PSME4: variants seen among roughly 807,000 people sequenced by gnomAD.
PSME4 encodes the protein proteasome activator complex subunit 4.
A neutral mutation model predicts 253.9 loss-of-function variants in PSME4; 89 were observed. The ratio of observed to expected loss-of-function variants is 0.35; its 90% CI spans 0.30 to 0.42. PSME4 has a LOEUF of 0.42. Among genes scored for constraint, PSME4 ranks in the 10% least tolerant of loss-of-function variants. The probability of loss-of-function intolerance (pLI) is 1.00; values close to 1 mark genes in which losing one functional copy is unlikely to be tolerated. For synonymous variants in PSME4, 851 were observed against 759.2 expected, an observed-to-expected ratio of 1.12 and a Z score of -1.99; for missense variants, 2,014 against 2,195.2, an observed-to-expected ratio of 0.92 and a Z score of 1.65.
At chr2:53,903,000 T>C (rs1043717405) in intron 27 of PSME4, among the ~76,000 whole-genome samples, 3 of 152,180 alleles carry the variant, frequency 2.0e-5, no homozygotes, top group African/African-American at 4.8e-5. Context: ...CTCCCTGCCT[T>C]CTGTGATTCT....
chr2:53,905,403 T>C (rs805315), intron 26 of PSME4, among the ~76,000 whole-genome samples: 44,339 of 151,888 alleles, frequency 0.29, 6,914 homozygotes, highest in South Asian at 0.48. Context: ...GTATCCTTTA[T>C]CTAAAATGTT....
chr2:53,954,902 A>T (rs1401305652), intron 1 of PSME4, among the ~76,000 whole-genome samples: 1 of 152,090 alleles, frequency 6.6e-6, no homozygotes, highest in Non-Finnish European at 1.5e-5. Flanking sequence ...AAAATGAGCG[A>T]GACACTGTGG....
chr2:53,928,427 CAG>C (rs756716976), intron 10 of PSME4, 124 bp from the exon 11 acceptor site: 10 of 739,864 alleles, frequency 1.4e-5, no homozygotes, highest in Non-Finnish European at 2.1e-5. Context: ...GCAAAATACT[CAG>C]AGTGAAAATC....
rs899604055 is a variant in PSME4 at position 53,865,929 on chromosome 2, G to A, written c.*4+156C>T. 7 of 779,156 alleles carry A rather than the reference G, an allele frequency of 9.0e-6. No individual in the cohort carries two copies. The African/African-American group carries it at 1.3e-4, about 14-fold the overall frequency. 48.3% of individuals were successfully genotyped at this position (779,156 alleles called of 1,614,324 possible). A position where few individuals can be genotyped will look rare whatever the true frequency, so the allele number is the denominator to read the frequency against. ...GCACAGCAAAATTCTCATTTCCAATGGCCGTAGCAAAAGCCATGTTTAAAA... is the reference window on the plus strand; with the variant it reads ...GCACAGCAAAATTCTCATTTCCAATAGCCGTAGCAAAAGCCATGTTTAAAA... On this transcript the variant is annotated intron_variant, in intron 46 of 46. Transcript: ENST00000404125.
intron 19 of PSME4, among the ~76,000 whole-genome samples, chr2:53,919,475 T>C (rs1022966536): frequency 6.6e-6 from 1 of 152,178 alleles, no homozygotes; most frequent in Admixed American, 6.5e-5. Context: ...CAAGTAACAA[T>C]AATTAACTGC....
intron 44 of PSME4, 51 bp from the exon 45 acceptor site, chr2:53,866,931 A>C (rs763309594): frequency 6.5e-7 from 1 of 1,536,540 alleles, no homozygotes. Flanking sequence ...TCTCTAATGC[A>C]CTTGTTACAG....
At chr2:53,893,830 C>T in intron 34 of PSME4, 31 bp from the exon 35 acceptor site, 3 of 1,547,706 alleles carry the variant, frequency 1.9e-6, no homozygotes, top group South Asian at 1.2e-5. Context: ...CAATATTCAG[C>T]GTTTAAAATC....
intron 4 of PSME4, among the ~76,000 whole-genome samples, chr2:53,939,273 G>T (rs1471315195): frequency 1.3e-5 from 2 of 152,100 alleles, no homozygotes; most frequent in Admixed American, 1.3e-4. Flanking sequence ...CACCAAAAAG[G>T]AGTCACTGAT....
At chr2:53,866,629 G>T in intron 45 of PSME4, 118 bp downstream of exon 45, 2 of 1,126,594 alleles carry the variant, frequency 1.8e-6, no homozygotes, top group Non-Finnish European at 2.5e-6. Flanking sequence ...ACTAAGCCTT[G>T]GCAGAGGCAG....
chr2:53,953,272 C>G (rs776074671), intron 1 of PSME4, among the ~76,000 whole-genome samples: 3 of 151,612 alleles, frequency 2.0e-5, no homozygotes, highest in Non-Finnish European at 4.4e-5. Context: ...TATAAGACAC[C>G]ATTAAAAGTA....
chr2:53,876,066 A>G (rs527440387), intron 41 of PSME4, among the ~76,000 whole-genome samples: 2 of 152,338 alleles, frequency 1.3e-5, no homozygotes, highest in Middle Eastern at 6.8e-3. Context: ...CTTAAAAAAG[A>G]ATCATGTAAT....
At chr2:53,929,510 G>C (rs748525359) in intron 10 of PSME4, among the ~76,000 whole-genome samples, 10 of 151,728 alleles carry the variant, frequency 6.6e-5, no homozygotes, top group African/African-American at 9.7e-5. Context: ...GCCCAGGCTG[G>C]TCTCAAATTC....
chr2:53,920,117 G>A (rs1259580467), intron 19 of PSME4, 76 bp downstream of exon 19: 15 of 1,258,012 alleles, frequency 1.2e-5, no homozygotes, highest in African/African-American at 1.5e-5. Flanking sequence ...TAATACATGA[G>A]ATATGCCACA....
intron 44 of PSME4, among the ~76,000 whole-genome samples, chr2:53,867,125 A>C (rs538366004): frequency 3.3e-5 from 5 of 152,158 alleles, no homozygotes; most frequent in Non-Finnish European, 5.9e-5. Context: ...TTGGGAGGCC[A>C]AGGTAGGAGG....
intron 3 of PSME4, among the ~76,000 whole-genome samples, chr2:53,946,573 A>G (rs1377730128): frequency 6.6e-6 from 1 of 152,228 alleles, no homozygotes; most frequent in Non-Finnish European, 1.5e-5. Context: ...TTACAATCAA[A>G]GCTTTTGTAT....
chr2:53,931,719 GA>G (rs1438669350), intron 10 of PSME4, 115 bp downstream of exon 10: 3 of 1,107,856 alleles, frequency 2.7e-6, no homozygotes, highest in African/African-American at 3.1e-5. Flanking sequence ...TCTCCTCTAG[GA>G]ACAGGAATAA....
intron 37 of PSME4, among the ~76,000 whole-genome samples, chr2:53,889,843 A>C (rs1269962166): frequency 1.3e-5 from 2 of 152,240 alleles, no homozygotes; most frequent in African/African-American, 4.8e-5. Context: ...GTTACTTCTC[A>C]AGACTTATTT....
In PSME4 at chr2:53,908,631, A is replaced by G. The variant is rs1573262698; in HGVS notation, c.2630-66T>C. The G allele has an allele frequency of 7.2e-6, 11 of 1,522,058 alleles. No homozygotes were observed. In the East Asian group the frequency reaches 2.5e-4, roughly 35 times the overall value. 94.3% of individuals were successfully genotyped at this position (1,522,058 alleles called of 1,614,324 possible). ...TGAACTACTATAAGAATCTTGAGGC[A>G]TTAGTCAAGAATCTATTAAGAAAAA... On this transcript the variant is annotated intron_variant, in intron 22 of 46. Transcript: ENST00000404125.
At chr2:53,928,964 G>A (rs1348704785) in intron 10 of PSME4, among the ~76,000 whole-genome samples, 3 of 152,064 alleles carry the variant, frequency 2.0e-5, no homozygotes, top group Non-Finnish European at 2.9e-5. Context: ...TCAGGAGTTT[G>A]AGACCAGCCT....
Sources: allele counts gnomAD v4.1 joint callset (sites outside exome capture counted in the v4.1 genomes callset), GRCh38; gene constraint gnomAD v4.1.1; transcripts MANE v1.5; gene names NCBI Gene and HGNC (gene_info 2026-07-23, HGNC 2026-07-21).